DOCK9: variants seen among roughly 807,000 people sequenced by gnomAD.
The protein encoded by DOCK9 is dedicator of cytokinesis protein 9.
In DOCK9, 89 loss-of-function variants were observed where a neutral mutation model predicts 263.3. The ratio of observed to expected loss-of-function variants is 0.34; its 90% confidence interval spans 0.28 to 0.40. The LOEUF (loss-of-function observed/expected upper bound fraction) is 0.40. DOCK9 is among the 10% of genes least tolerant of loss of function. The pLI, the probability that DOCK9 is intolerant of heterozygous loss-of-function variation, is 1.00. For missense variants in DOCK9, 2,140 were observed against 2,603.4 expected (o/e 0.82, Z 3.87); for synonymous variants, 976 against 973.1 (o/e 1.00, Z -0.06).
intron 1 of DOCK9, among the ~76,000 whole-genome samples, chr13:99,069,826 A>G (rs965455643): frequency 6.6e-6 from 1 of 152,242 alleles, no homozygotes; most frequent in African/African-American, 2.4e-5. Flanking sequence ...CTTCAAAATG[A>G]TATCTTAAAA....
Position 98,930,211 on chromosome 13 carries a change from G to T in DOCK9, c.290C>A (p.Pro97His). The change falls in exon 3 of 53, where the codon CCT becomes CAT. Residue 97 changes from proline (P) to histidine (H), a missense_variant. Pro to His is a moderately conservative substitution (Grantham distance 77, BLOSUM62 -2). Transcript: ENST00000682017. The stretch of plus-strand genomic sequence containing the variant: ...CTGTGCTTCCTCTTCCGCCTTCGCA[G>T]GCACTGTTGAGCATATGTATCGACC... ...RQGRYICSTV[P>H]AKAEEEAQSL... The T allele has an allele frequency of 6.2e-7, 1 of 1,612,336 alleles. No individual in the cohort carries two copies. Among genetic ancestry groups the T allele is most frequent in the South Asian group, 1.1e-5 (1 of 90,384 alleles).
At chr13:98,908,142 C>G (rs7331504) in intron 9 of DOCK9, among the ~76,000 whole-genome samples, 106,341 of 151,972 alleles carry the variant, frequency 0.7, 37,490 homozygotes, top group Middle Eastern at 0.81. Context: ...TGTGAACAAG[C>G]AAGTCAGGAA....
At chr13:98,804,062 G>T (rs2090420975) in intron 49 of DOCK9, among the ~76,000 whole-genome samples, 1 of 151,964 alleles carries the variant, frequency 6.6e-6, no homozygotes. Flanking sequence ...CATCTCCACA[G>T]CGCTCCTTCC....
intron 2 of DOCK9, among the ~76,000 whole-genome samples, chr13:98,933,060 T>C (rs1413028906): frequency 6.6e-6 from 1 of 152,248 alleles, no homozygotes; most frequent in Non-Finnish European, 1.5e-5. Context: ...GTATACATTC[T>C]ATGTTCCCAC....
intron 1 of DOCK9, among the ~76,000 whole-genome samples, chr13:99,027,038 G>A (rs1266587636): frequency 6.6e-6 from 1 of 151,988 alleles, no homozygotes; most frequent in Non-Finnish European, 1.5e-5. Context: ...TGTCGTTGTT[G>A]AGACGGAGTA....
At chr13:99,045,351 G>T (rs889010341) in intron 1 of DOCK9, among the ~76,000 whole-genome samples, 1 of 152,074 alleles carries the variant, frequency 6.6e-6, no homozygotes, top group African/African-American at 2.4e-5. Context: ...GAAAGAAATC[G>T]TCTGCAACAA....
intron 1 of DOCK9, among the ~76,000 whole-genome samples, chr13:98,996,400 T>C (rs1350983230): frequency 6.6e-6 from 1 of 152,226 alleles, no homozygotes; most frequent in Non-Finnish European, 1.5e-5. Context: ...ATGTTATACC[T>C]TGTAAGCCAT....
At chr13:99,020,502 G>GA (rs1213413528) in intron 1 of DOCK9, among the ~76,000 whole-genome samples, 2 of 152,140 alleles carry the variant, frequency 1.3e-5, no homozygotes, top group South Asian at 4.1e-4. Flanking sequence ...ACAAACCTCA[G>GA]CCATGCAGCC....
At chr13:98,928,004 C>CAAAAAA (rs74265290) in intron 3 of DOCK9, among the ~76,000 whole-genome samples, 3 of 62,232 alleles carry the variant, frequency 4.8e-5, no homozygotes, top group African/African-American at 1.3e-4. Flanking sequence ...ATCGCACATA[C>CAAAAAA]AAAAAAAAAA....
intron 16 of DOCK9, 27 bp from the exon 17 acceptor site, chr13:98,888,574 A>AC (rs1566866728): frequency 6.2e-7 from 1 of 1,612,872 alleles, no homozygotes; most frequent in Non-Finnish European, 8.5e-7. Flanking sequence ...AATAACTCAA[A>AC]CTGAAGTAAA....
At chr13:98,938,067 T>C (rs2055192322) in intron 2 of DOCK9, among the ~76,000 whole-genome samples, 1 of 152,144 alleles carries the variant, frequency 6.6e-6, no homozygotes, top group Non-Finnish European at 1.5e-5. Context: ...GCAGCTTAAA[T>C]GTGGAATCCC....
intron 44 of DOCK9, among the ~76,000 whole-genome samples, chr13:98,826,423 T>C (rs2092540809): frequency 6.6e-6 from 1 of 152,214 alleles, no homozygotes; most frequent in Non-Finnish European, 1.5e-5. Flanking sequence ...GCTGCCTTCT[T>C]AGACAATAAA....
At chr13:98,897,450 C>G (rs768850111) in intron 15 of DOCK9, 38 bp downstream of exon 15, 2 of 1,610,708 alleles carry the variant, frequency 1.2e-6, no homozygotes, top group African/African-American at 1.3e-5. Flanking sequence ...TACACAGCTT[C>G]TATTTTTCAG....
At chr13:98,840,714 G>A (rs932790477) in intron 38 of DOCK9, among the ~76,000 whole-genome samples, 1 of 152,160 alleles carries the variant, frequency 6.6e-6, no homozygotes, top group Non-Finnish European at 1.5e-5. Flanking sequence ...AATACCAGAG[G>A]ACATTTGGGA....
intron 1 of DOCK9, among the ~76,000 whole-genome samples, chr13:98,959,212 G>A (rs543003160): frequency 6.6e-5 from 10 of 152,212 alleles, no homozygotes; most frequent in Non-Finnish European, 1.3e-4. Context: ...TTTGAACAAT[G>A]TGTGCTTAGC....
chr13:98,923,229 A>G, intron 5 of DOCK9, 73 bp downstream of exon 5: 1 of 1,427,428 alleles, frequency 7.0e-7, no homozygotes, highest in Non-Finnish European at 9.8e-7. Flanking sequence ...TTTTCTAACT[A>G]ATCTTCTAAG....
intron 7 of DOCK9, among the ~76,000 whole-genome samples, chr13:98,919,134 G>A (rs1378781299): frequency 6.7e-6 from 1 of 149,678 alleles, no homozygotes; most frequent in Non-Finnish European, 1.5e-5. Flanking sequence ...TTTTGAGATG[G>A]AGTCTCGCTC....
At chr13:98,813,457 G>A (rs1037912387) in intron 45 of DOCK9, among the ~76,000 whole-genome samples, 1 of 151,966 alleles carries the variant, frequency 6.6e-6, no homozygotes, top group Non-Finnish European at 1.5e-5. Context: ...TACTCTGTAT[G>A]CATCTACTGA....
intron 20 of DOCK9, chr13:98,885,425 G>A (rs559926205): frequency 4.5e-5 from 24 of 528,822 alleles, no homozygotes; most frequent in African/African-American, 2.7e-4. Context: ...GCAACATGGC[G>A]AAATCCCGTC....
Sources: allele counts gnomAD v4.1 joint callset (sites outside exome capture counted in the v4.1 genomes callset), GRCh38; gene constraint gnomAD v4.1.1; transcripts MANE v1.5; gene names NCBI Gene and HGNC (gene_info 2026-07-23, HGNC 2026-07-21).